ARHGEF33: variants seen among roughly 807,000 people sequenced by gnomAD.
ARHGEF33 encodes the protein Rho guanine nucleotide exchange factor 33, also known as DH and coiled-coil domain-containing protein ENSP00000381780.
In ARHGEF33, 72 loss-of-function variants were observed where a neutral mutation model predicts 101.9. The ratio of observed to expected loss-of-function variants is 0.71; its 90% confidence interval spans 0.58 to 0.86. The LOEUF is 0.86. Ranked by LOEUF, ARHGEF33 falls within the 40% of genes least tolerant of loss-of-function variation. The pLI is 0.00. For synonymous variants in ARHGEF33, 499 were observed against 442.5 expected, an observed-to-expected ratio of 1.13 and a Z score of -1.60; for missense variants, 1,169 against 1,111.3, an observed-to-expected ratio of 1.05 and a Z score of -0.74.
intron 2 of ARHGEF33, among the ~76,000 whole-genome samples, chr2:38,912,140 A>G (rs1553341109): frequency 6.6e-6 from 1 of 152,252 alleles, no homozygotes. Context: ...GTGTCCGCCA[A>G]GGCCTGAATG....
At chr2:38,950,024 C>T (rs1411191940) in intron 10 of ARHGEF33, among the ~76,000 whole-genome samples, 1 of 152,190 alleles carries the variant, frequency 6.6e-6, no homozygotes, top group Non-Finnish European at 1.5e-5. Context: ...TCACCTCTCA[C>T]CAAGCCCACT....
At chr2:38,927,058 A>G (rs1666890480) in intron 4 of ARHGEF33, among the ~76,000 whole-genome samples, 2 of 152,190 alleles carry the variant, frequency 1.3e-5, no homozygotes, top group Admixed American at 1.3e-4. Flanking sequence ...CATTGCAAAG[A>G]TTAATTATAA....
intron 9 of ARHGEF33, among the ~76,000 whole-genome samples, chr2:38,939,158 A>G (rs769762987): frequency 2.6e-5 from 4 of 152,176 alleles, no homozygotes; most frequent in Non-Finnish European, 5.9e-5. Context: ...TTTTTAGTAG[A>G]GACAGGGTTT....
intron 15 of ARHGEF33, among the ~76,000 whole-genome samples, chr2:38,958,866 G>C (rs1473971260): frequency 6.6e-6 from 1 of 152,008 alleles, no homozygotes; most frequent in Non-Finnish European, 1.5e-5. Context: ...ACTTAGTAGA[G>C]ACAGGGTTTT....
intron 17 of ARHGEF33, chr2:38,971,909 G>A (rs983007482): frequency 2.8e-6 from 2 of 718,494 alleles, no homozygotes; most frequent in East Asian, 2.7e-5. Flanking sequence ...GTGGTCCTTG[G>A]GGCTGGTGGT....
rs1206195311 is a variant in ARHGEF33 at position 38,960,560 on chromosome 2, C to CCGCCGT, written c.2261_2266dup (p.Val754_Ala755dup). The stretch of plus-strand genomic sequence containing the variant: ...GCGCAGGCGCACGGCCCGGCCGCCG[C>CCGCCGT]CGCCGTCGCCGCCCGCGGCGCATCC... On this transcript the variant is annotated inframe_insertion, in exon 16 of 18. Coordinates refer to ENST00000409978, the MANE Select transcript of ARHGEF33 (RefSeq NM_001145451.5). 2.4e-5 allele frequency: 30 copies of CCGCCGT among 1,270,142 alleles called. No homozygotes were observed. The highest frequency in any genetic ancestry group is 2.1e-4 in the Middle Eastern group (1 of 4,718). The allele number at this position is 1,270,142 out of a possible 1,614,324, so 78.7% of individuals were successfully genotyped here.
At chr2:38,904,202 T>A (rs1256299167) in intron 2 of ARHGEF33, among the ~76,000 whole-genome samples, 1 of 152,140 alleles carries the variant, frequency 6.6e-6, no homozygotes, top group Non-Finnish European at 1.5e-5. Context: ...TGGGCCTACA[T>A]TAGACTTTGG....
chr2:38,915,598 C>A (rs543853248), intron 2 of ARHGEF33, among the ~76,000 whole-genome samples: 2 of 152,144 alleles, frequency 1.3e-5, no homozygotes, highest in East Asian at 3.9e-4. Flanking sequence ...TCTTGAACTC[C>A]TGGCCTCAAG....
chr2:38,955,154 C>T (rs1239520127), intron 13 of ARHGEF33, among the ~76,000 whole-genome samples: 1 of 152,198 alleles, frequency 6.6e-6, no homozygotes, highest in Non-Finnish European at 1.5e-5. Flanking sequence ...CACTTAACTG[C>T]TATCCTGACT....
At chr2:38,931,458 G>A in intron 7 of ARHGEF33, 2 of 488,266 alleles carry the variant, frequency 4.1e-6, no homozygotes, top group East Asian at 6.5e-5. Context: ...TTGGTGTGTG[G>A]TCGGGGGAAT....
At chr2:38,936,297 C>G (rs1010811706) in intron 8 of ARHGEF33, among the ~76,000 whole-genome samples, 1 of 152,130 alleles carries the variant, frequency 6.6e-6, no homozygotes, top group African/African-American at 2.4e-5. Context: ...TGACAATTCA[C>G]CAGGATTTTA....
intron 2 of ARHGEF33, among the ~76,000 whole-genome samples, chr2:38,901,258 G>C (rs1666231170): frequency 1.3e-5 from 2 of 152,158 alleles, no homozygotes; most frequent in Non-Finnish European, 2.9e-5. Flanking sequence ...GATAAATCTA[G>C]TTTTCTCCTT....
intron 10 of ARHGEF33, 79 bp downstream of exon 10, chr2:38,944,109 T>G: frequency 2.1e-6 from 3 of 1,422,086 alleles, no homozygotes; most frequent in Non-Finnish European, 2.8e-6. Flanking sequence ...CACTTTGGGA[T>G]TTCTGGGGCC....
In ARHGEF33 at chr2:38,972,804, A is replaced by G. The variant is rs375654086; in HGVS notation, c.2484-910A>G. 8.5e-4 allele frequency among the ~76,000 whole-genome samples: 129 copies of G among 152,334 alleles called. 3 individuals carry two copies. In the South Asian group the frequency reaches 0.026, roughly 30 times the overall value. ...TGGAAGCATACCTGACAGCCTCAGC[A>G]TATGGAGAACTTGGTCAGTTGTATA... On this transcript the variant is annotated intron_variant, in intron 17 of 17. Transcript: ENST00000409978.
chr2:38,937,054 G>T (rs1488119117), intron 8 of ARHGEF33: 2 of 215,956 alleles, frequency 9.3e-6, no homozygotes, highest in South Asian at 8.5e-5. Flanking sequence ...GAGTGCAATG[G>T]GGCGATCTCG....
chr2:38,919,222 CTTAAT>C, intron 2 of ARHGEF33, 136 bp from the exon 3 acceptor site: 2 of 492,666 alleles, frequency 4.1e-6, no homozygotes, highest in African/African-American at 1.9e-5. Context: ...TAAATGTGTA[CTTAAT>C]TTAATATTTT....
intron 10 of ARHGEF33, among the ~76,000 whole-genome samples, chr2:38,947,927 G>A (rs1342375442): frequency 1.3e-5 from 2 of 152,136 alleles, no homozygotes; most frequent in Admixed American, 6.5e-5. Context: ...ATTCTGGGCT[G>A]ACAAAAGCTA....
At chr2:38,961,953 G>A (rs1425278136) in intron 16 of ARHGEF33, among the ~76,000 whole-genome samples, 1 of 152,154 alleles carries the variant, frequency 6.6e-6, no homozygotes, top group Non-Finnish European at 1.5e-5. Context: ...CAAAGTGGTG[G>A]AAATTAGGCC....
rs1351990929 is a variant in ARHGEF33 at position 38,960,344 on chromosome 2, C to T, written c.2039C>T (p.Ala680Val). The T allele has an allele frequency of 2.0e-6, 3 of 1,534,818 alleles. No homozygotes were observed. In the East Asian group the frequency reaches 7.4e-5, roughly 38 times the overall value. Residue 680 changes from alanine (A) to valine (V), a missense_variant, in exon 16 of 18, where the codon GCT (alanine) becomes GTT (valine). Coordinates refer to ENST00000409978, the MANE Select transcript of ARHGEF33 (RefSeq NM_001145451.5). ...CCGCTGCAGCCGCTGCCCAAGAGCG[C>T]TACGTCGCCGGCGGGCAGCAGCAGC... is the stretch of plus-strand genomic sequence containing the variant. ...EHPLQPLPKSATSPAGSSSAY... is the reference protein window; with the variant it reads ...EHPLQPLPKSVTSPAGSSSAY...
Sources: gnomAD v4.1 joint callset for allele counts (sites outside exome capture counted in the v4.1 genomes callset) on GRCh38, gnomAD v4.1.1 for gene constraint, MANE v1.5 for transcripts, NCBI Gene and HGNC (gene_info 2026-07-23, HGNC 2026-07-21) for gene names.